The following NEK11 variants were observed in gnomAD, a reference collection of about 807,000 sequenced individuals.
NEK11 encodes NIMA related kinase 11.
A neutral mutation model predicts 80.7 loss-of-function variants in NEK11; 72 were observed. That is an observed-to-expected ratio of 0.89 (90% CI 0.74 to 1.08). The LOEUF (loss-of-function observed/expected upper bound fraction) is 1.08, where lower values mean the gene tolerates loss of function less well. NEK11 is among the 50% of genes least tolerant of loss of function. The pLI, the probability that NEK11 is intolerant of heterozygous loss-of-function variation, is 0.00. For synonymous variants in NEK11, 251 were observed against 260.7 expected, an observed-to-expected ratio of 0.96 and a Z score of 0.36; for missense variants, 764 against 763.6, an observed-to-expected ratio of 1.00 and a Z score of -0.01.
chr3:131,083,172 A>T (rs1266686287), intron 4 of NEK11, among the ~76,000 whole-genome samples: 1 of 152,234 alleles, frequency 6.6e-6, no homozygotes, highest in Non-Finnish European at 1.5e-5. Context: ...AAGCATACTG[A>T]ATTTCGAGAA....
chr3:131,132,528 A>G (rs905974720), intron 5 of NEK11, among the ~76,000 whole-genome samples: 3 of 152,082 alleles, frequency 2.0e-5, no homozygotes, highest in Admixed American at 2.0e-4. Flanking sequence ...TCTCCAAACT[A>G]CATGTTCCCC....
intron 14 of NEK11, among the ~76,000 whole-genome samples, chr3:131,211,816 C>T (rs1194574397): frequency 2.0e-5 from 3 of 152,140 alleles, no homozygotes; most frequent in Admixed American, 6.5e-5. Context: ...TTTTCATCTC[C>T]CTCAGGCCGT....
chr3:131,243,483 TTGCACTTCTCTAGG>T lies in NEK11; in HGVS notation c.1611_1621+3del. ...CCAGGTGTTTGGAAAATGTCCTGGG[TTGCACTTCTCTAGG>T]TGAGTAAGTTCCTTTAGGCTTCAAA... On this transcript the variant is annotated splice_donor_variant and coding_sequence_variant, in exon 16 of 18. Coordinates refer to ENST00000383366, the MANE Select transcript of NEK11 (RefSeq NM_024800.5). LOFTEE classifies it high-confidence loss of function. 3 of 1,612,712 alleles carry T rather than the reference TTGCACTTCTCTAGG, an allele frequency of 1.9e-6. No individual in the cohort carries two copies. Among genetic ancestry groups the T allele is most frequent in the Non-Finnish European group, 2.5e-6 (3 of 1,179,128 alleles).
rs2090362025 is a variant in NEK11 at position 131,154,783 on chromosome 3, T to C, written c.877-253T>C. The C allele has an allele frequency of 1.0e-5, 4 of 397,128 alleles. No homozygotes were observed. The South Asian group carries it at 1.4e-4, about 13-fold the overall frequency. 24.6% of individuals were successfully genotyped at this position (397,128 alleles called of 1,614,324 possible). ...TAGCTGAAAGTAGGCCTGCCCATGA[T>C]TGGCAAAAGGGAGTGAGAGAGCAAG... is the stretch of plus-strand genomic sequence containing the variant. On this transcript the variant is annotated intron_variant, in intron 9 of 17. Transcript: ENST00000383366.
At chr3:131,311,405 C>T (rs994141700) in intron 17 of NEK11, among the ~76,000 whole-genome samples, 1 of 152,190 alleles carries the variant, frequency 6.6e-6, no homozygotes, top group Non-Finnish European at 1.5e-5. Context: ...TTGTTCACCC[C>T]CCTCAACCCC....
At chr3:131,196,279 C>T (rs1016434475) in intron 14 of NEK11, among the ~76,000 whole-genome samples, 1 of 151,544 alleles carries the variant, frequency 6.6e-6, no homozygotes, top group Non-Finnish European at 1.5e-5. Context: ...AGAAAGAAGA[C>T]ATATTTAAAT....
chr3:131,131,810 T>G (rs2084535639), intron 5 of NEK11, among the ~76,000 whole-genome samples: 1 of 152,082 alleles, frequency 6.6e-6, no homozygotes, highest in Non-Finnish European at 1.5e-5. Flanking sequence ...ATTTTAGATC[T>G]TTCTTTTTTT....
intron 16 of NEK11, among the ~76,000 whole-genome samples, chr3:131,271,216 G>T (rs923819046): frequency 6.6e-6 from 1 of 152,168 alleles, no homozygotes; most frequent in Non-Finnish European, 1.5e-5. Flanking sequence ...GCTGGTACTT[G>T]TGTCTTTATC....
At chr3:131,294,908 T>TA (rs2096577766) in intron 17 of NEK11, among the ~76,000 whole-genome samples, 1 of 152,170 alleles carries the variant, frequency 6.6e-6, no homozygotes, top group Non-Finnish European at 1.5e-5. Context: ...TGATTTCTTT[T>TA]AATGAGTTTT....
chr3:131,029,626 C>T lies in NEK11; in HGVS notation c.-83C>T. 2 of 1,347,764 alleles carry T rather than the reference C, an allele frequency of 1.5e-6. No individual in the cohort carries two copies. Among genetic ancestry groups the T allele is most frequent in the Non-Finnish European group, 2.1e-6 (2 of 962,602 alleles). The allele number at this position is 1,347,764 out of a possible 1,614,324, so 83.5% of individuals were successfully genotyped here. A position where few individuals can be genotyped will look rare whatever the true frequency, so the allele number is the denominator to read the frequency against. Reference sequence around the variant, plus strand: ...TTCATCTTTAAGGAACTGACCAACACTGGATGAATTTGACCATTTCTTAGG... The same window carrying T: ...TTCATCTTTAAGGAACTGACCAACATTGGATGAATTTGACCATTTCTTAGG... On this transcript the variant is annotated 5_prime_UTR_variant, in exon 3 of 18. Coordinates refer to ENST00000383366, the MANE Select transcript of NEK11 (RefSeq NM_024800.5).
chr3:131,258,132 C>G, intron 16 of NEK11, among the ~76,000 whole-genome samples: 1 of 141,636 alleles, frequency 7.1e-6, no homozygotes, highest in Admixed American at 7.1e-5. Context: ...GACACAAAGG[C>G]AGAATGATAT....
At position 131,029,995 on chromosome 3, in the gene NEK11, T is replaced by A; in HGVS notation, c.170+117T>A. ...TGGCTCATGCCTGTAATCCCAGCAC[T>A]GTGGGTGGCCAAGGTTGGCAGATCA... On this transcript the variant is annotated intron_variant, in intron 3 of 17. Coordinates refer to ENST00000383366, the MANE Select transcript of NEK11 (RefSeq NM_024800.5). The A allele has an allele frequency of 3.2e-6, 3 of 939,194 alleles. No individual in the cohort carries two copies. In the East Asian group the frequency reaches 7.6e-5, roughly 24 times the overall value. 58.2% of individuals were successfully genotyped at this position (939,194 alleles called of 1,614,324 possible).
intron 15 of NEK11, among the ~76,000 whole-genome samples, chr3:131,234,002 A>C (rs904616455): frequency 2.0e-5 from 3 of 152,242 alleles, no homozygotes; most frequent in African/African-American, 7.2e-5. Context: ...TGCTTTATAC[A>C]GTCTTTCCTC....
chr3:131,175,060 C>G, intron 14 of NEK11: 2 of 1,179,106 alleles, frequency 1.7e-6, no homozygotes, highest in Non-Finnish European at 2.1e-6. Flanking sequence ...CAGTTCTGGG[C>G]TGTCTATGAC....
chr3:131,174,896 G>C, intron 14 of NEK11: 1 of 1,480,202 alleles, frequency 6.8e-7, no homozygotes, highest in African/African-American at 1.4e-5. Context: ...AGTGAAGTAG[G>C]CCTTGGCTGC....
At chr3:131,043,015 G>A (rs112681197) in intron 3 of NEK11, among the ~76,000 whole-genome samples, 9 of 152,348 alleles carry the variant, frequency 5.9e-5, no homozygotes, top group African/African-American at 1.9e-4. Flanking sequence ...ACCTGCAGAA[G>A]AGGGGCCTGA....
rs182007708 is a variant in NEK11, at chr3:131,235,992, C to T, written c.1560+7304C>T. ...ATGATTTAAAATCATGTTTAAATCA[C>T]AGGGCTACATTTTTCACTTACTCTG... On this transcript the variant is annotated intron_variant, in intron 15 of 17. Coordinates refer to ENST00000383366, the MANE Select transcript of NEK11 (RefSeq NM_024800.5). Among the ~76,000 whole-genome samples the T allele has an allele frequency of 3.0e-4, 46 of 152,224 alleles. No individual in the cohort carries two copies. In the Middle Eastern group the frequency reaches 0.01, roughly 34 times the overall value.
intron 5 of NEK11, among the ~76,000 whole-genome samples, chr3:131,116,932 T>C (rs12638934): frequency 0.18 from 27,998 of 152,126 alleles, 2,659 homozygotes; most frequent in Middle Eastern, 0.22. Context: ...AGGTTGCCTG[T>C]TCACTCTGAT....
chr3:131,299,801 T>C (rs2096641326), intron 17 of NEK11, among the ~76,000 whole-genome samples: 1 of 152,228 alleles, frequency 6.6e-6, no homozygotes, highest in Non-Finnish European at 1.5e-5. Flanking sequence ...GTTGATTCTA[T>C]GTCTTTGCTT....
Sources: gnomAD v4.1 joint callset for allele counts (sites outside exome capture counted in the v4.1 genomes callset) on GRCh38, gnomAD v4.1.1 for gene constraint, MANE v1.5 for transcripts, NCBI Gene and HGNC (gene_info 2026-07-23, HGNC 2026-07-21) for gene names.